Variants in DZANK1 observed in about 807,000 individuals in gnomAD.
The protein encoded by DZANK1 is double zinc ribbon and ankyrin repeat-containing protein 1.
DZANK1 carries 91 observed loss-of-function variants against 94.5 expected under a neutral mutation model. The ratio of observed to expected loss-of-function variants is 0.96; its 90% confidence interval spans 0.81 to 1.15. The LOEUF is 1.15. Among genes scored for constraint, DZANK1 ranks in the 50% most tolerant of loss-of-function variants. DZANK1 has a pLI of 0.00. For synonymous variants in DZANK1, 312 were observed against 325.3 expected (o/e 0.96, Z 0.44); for missense variants, 903 against 916.4 (o/e 0.99, Z 0.19).
At chr20:18,433,599 TC>T in intron 9 of DZANK1, 52 bp downstream of exon 9, 1 of 1,554,690 alleles carries the variant, frequency 6.4e-7, no homozygotes, top group Non-Finnish European at 8.9e-7. Flanking sequence ...ATATACCTGT[TC>T]AAACATTACT....
chr20:18,465,369 TC>T, exon 2 of DZANK1: 1 of 1,430,290 alleles, frequency 7.0e-7, no homozygotes, highest in South Asian at 1.3e-5. Context: ...TTTCTCTCTC[TC>T]TCTCTCTCTC....
chr20:18,462,496 C>T (rs1389795382), intron 2 of DZANK1, among the ~76,000 whole-genome samples: 1 of 152,084 alleles, frequency 6.6e-6, no homozygotes, highest in African/African-American at 2.4e-5. Flanking sequence ...CCAACACACA[C>T]ATGAAAAAAT....
At position 18,431,420 on chromosome 20, in the gene DZANK1, G is replaced by A. The variant is rs188680418; in HGVS notation, c.861+2232C>T. ...CGGGAGCTGTCAATGGCATGCTGCC[G>A]CCTGCCGGGAGGTAAGACTTGCTGA... On this transcript the variant is annotated intron_variant, in intron 9 of 20. Coordinates refer to ENST00000262547, the Ensembl canonical transcript of DZANK1. 2.1e-3 allele frequency among the ~76,000 whole-genome samples: 322 copies of A among 152,316 alleles called. 1 individual carries two copies. The highest frequency in any genetic ancestry group is 3.7e-3 in the South Asian group (18 of 4,824).
chr20:18,464,930 C>G (rs999109000), intron 2 of DZANK1, among the ~76,000 whole-genome samples: 2 of 151,922 alleles, frequency 1.3e-5, no homozygotes, highest in African/African-American at 4.8e-5. Flanking sequence ...CTGCCTCGGC[C>G]TGCCAAAGTT....
chr20:18,452,769 G>A (rs772667641), intron 5 of DZANK1, 30 bp from the exon 6 acceptor site: 13 of 1,531,198 alleles, frequency 8.5e-6, no homozygotes, highest in Non-Finnish European at 1.1e-5. Context: ...ATTATTCTTT[G>A]AGCATCTGTA....
chr20:18,399,983 G>T (rs1388488117), intron 13 of DZANK1, among the ~76,000 whole-genome samples: 3 of 152,210 alleles, frequency 2.0e-5, no homozygotes, highest in Non-Finnish European at 4.4e-5. Context: ...ACATAATTTG[G>T]AGTTCAGACA....
chr20:18,402,370 A>G (rs1374237983), intron 13 of DZANK1, among the ~76,000 whole-genome samples: 4 of 152,202 alleles, frequency 2.6e-5, no homozygotes, highest in Non-Finnish European at 5.9e-5. Flanking sequence ...GAGTGGGATC[A>G]GGCATGTGCA....
chr20:18,411,252 A>AG (rs2057242852), intron 13 of DZANK1, among the ~76,000 whole-genome samples: 4 of 152,194 alleles, frequency 2.6e-5, no homozygotes, highest in African/African-American at 9.6e-5. Flanking sequence ...AACCTTTAGT[A>AG]AGATTGACCA....
At chr20:18,459,054 C>G (rs575407694) in intron 3 of DZANK1, among the ~76,000 whole-genome samples, 4 of 152,328 alleles carry the variant, frequency 2.6e-5, no homozygotes, top group Admixed American at 1.3e-4. Context: ...GCCTTATTAA[C>G]TCCTTCAAAC....
chr20:18,443,226 G>A, intron 8 of DZANK1, 121 bp downstream of exon 8: 1 of 742,072 alleles, frequency 1.3e-6, no homozygotes, highest in Non-Finnish European at 2.3e-6. Flanking sequence ...AGTTCAATCA[G>A]CCAGTAATTC....
At chr20:18,425,305 C>A (rs1312456536) in intron 10 of DZANK1, among the ~76,000 whole-genome samples, 1 of 152,220 alleles carries the variant, frequency 6.6e-6, no homozygotes, top group Non-Finnish European at 1.5e-5. Flanking sequence ...GTAATCCCAG[C>A]ACTTTGTGGG....
chr20:18,425,606 C>T (rs895195100), intron 10 of DZANK1, among the ~76,000 whole-genome samples: 1 of 151,854 alleles, frequency 6.6e-6, no homozygotes, highest in African/African-American at 2.4e-5. Flanking sequence ...TGAATTCTGT[C>T]TGCCCAGAAA....
At chr20:18,457,181 T>C (rs987138275) in intron 3 of DZANK1, among the ~76,000 whole-genome samples, 1 of 152,154 alleles carries the variant, frequency 6.6e-6, no homozygotes, top group African/African-American at 2.4e-5. Context: ...ATCAAAACAA[T>C]AGTGGCTTTA....
chr20:18,426,981 C>T (rs1330245241), intron 10 of DZANK1, 86 bp downstream of exon 10: 2 of 999,328 alleles, frequency 2.0e-6, no homozygotes, highest in South Asian at 2.3e-5. Flanking sequence ...TCTCCCCAAC[C>T]CCCTCGGCAG....
At chr20:18,437,471 C>T (rs2058566573) in intron 8 of DZANK1, among the ~76,000 whole-genome samples, 1 of 151,964 alleles carries the variant, frequency 6.6e-6, no homozygotes, top group Non-Finnish European at 1.5e-5. Flanking sequence ...CCCAGCAACT[C>T]AGGAGGCTAA....
intron 13 of DZANK1, among the ~76,000 whole-genome samples, chr20:18,403,119 T>C (rs1357376598): frequency 2.6e-5 from 4 of 152,294 alleles, no homozygotes; most frequent in East Asian, 1.9e-4. Flanking sequence ...CCTGTCCCAA[T>C]TGCCCTTTGC....
intron 19 of DZANK1, among the ~76,000 whole-genome samples, chr20:18,387,962 C>T (rs1255073241): frequency 6.6e-6 from 1 of 152,194 alleles, no homozygotes; most frequent in African/African-American, 2.4e-5. Context: ...TGCCTAAAAG[C>T]AATAGGATGG....
chr20:18,394,160 G>T, intron 16 of DZANK1, 94 bp downstream of exon 16: 1 of 1,046,272 alleles, frequency 9.6e-7, no homozygotes, highest in Non-Finnish European at 1.4e-6. Flanking sequence ...ATCTGTGACC[G>T]GGCTGTCAAA....
At chr20:18,438,914 G>C (rs973945958) in intron 8 of DZANK1, among the ~76,000 whole-genome samples, 6 of 152,114 alleles carry the variant, frequency 3.9e-5, no homozygotes, top group African/African-American at 1.4e-4. Flanking sequence ...TCATCATCAC[G>C]ACCTAATTAC....
Sources: gnomAD v4.1 joint callset for allele counts (sites outside exome capture counted in the v4.1 genomes callset) on GRCh38, gnomAD v4.1.1 for gene constraint, MANE v1.5 for transcripts, NCBI Gene and HGNC (gene_info 2026-07-23, HGNC 2026-07-21) for gene names.